Variants in ERC2 observed in about 807,000 individuals in gnomAD.
ERC2 encodes ELKS/RAB6-interacting/CAST family member 2.
A neutral mutation model predicts 114.8 loss-of-function variants in ERC2; 42 were observed. The ratio of observed to expected loss-of-function variants is 0.37; its 90% CI spans 0.29 to 0.47. ERC2 has a LOEUF of 0.47. ERC2 is among the 20% of genes least tolerant of loss of function. ERC2 has a pLI of 0.99. For missense variants in ERC2, 939 were observed against 1,150.7 expected (o/e 0.82, Z 2.66); for synonymous variants, 454 against 425.5 (o/e 1.07, Z -0.82).
intron 17 of ERC2, among the ~76,000 whole-genome samples, chr3:55,542,872 T>C (rs1205654740): frequency 1.3e-5 from 2 of 152,230 alleles, no homozygotes; most frequent in African/African-American, 4.8e-5. Context: ...AATACTTGTC[T>C]TCCTTCTGCT....
Position 55,915,426 on chromosome 3 carries a change from G to C in ERC2, c.2404-26877C>G, listed in dbSNP as rs114839168. ...ATAAAATCAAACTCACGAGAACCAA[G>C]AATCACTTATATTAATTTATAATAC... is the stretch of plus-strand genomic sequence containing the variant. On this transcript the variant is annotated intron_variant, in intron 13 of 17. Coordinates refer to ENST00000288221, the MANE Select transcript of ERC2 (RefSeq NM_015576.3). Among the ~76,000 whole-genome samples, 965 of 152,162 alleles carry C rather than the reference G, an allele frequency of 6.3e-3. 14 individuals are homozygous for C. The highest frequency in any genetic ancestry group is 0.022 in the African/African-American group (925 of 41,494).
At chr3:56,072,753 T>A (rs1441801555) in intron 7 of ERC2, among the ~76,000 whole-genome samples, 1 of 152,206 alleles carries the variant, frequency 6.6e-6, no homozygotes, top group African/African-American at 2.4e-5. Flanking sequence ...AAGGTCACTA[T>A]TTTTCAAATG....
At chr3:56,103,854 T>C (rs2078498714) in intron 6 of ERC2, among the ~76,000 whole-genome samples, 1 of 151,968 alleles carries the variant, frequency 6.6e-6, no homozygotes, top group Admixed American at 6.5e-5. Context: ...CTACAAGACC[T>C]TGGTGTCAAG....
chr3:55,867,072 G>T (rs534200009), intron 14 of ERC2, among the ~76,000 whole-genome samples: 1 of 151,660 alleles, frequency 6.6e-6, no homozygotes, highest in African/African-American at 2.4e-5. Flanking sequence ...TTGCTTTTTG[G>T]TGTTATTTAT....
chr3:55,786,474 C>T (rs888838856), intron 14 of ERC2, among the ~76,000 whole-genome samples: 1 of 152,162 alleles, frequency 6.6e-6, no homozygotes, highest in Non-Finnish European at 1.5e-5. Context: ...ACATGAGGCT[C>T]CCTTGTTACC....
chr3:56,019,088 T>TAGA, intron 7 of ERC2, 57 bp from the exon 8 acceptor site: 1 of 1,306,858 alleles, frequency 7.7e-7, no homozygotes, highest in Admixed American at 2.3e-5. Flanking sequence ...TAGGCCAAAA[T>TAGA]TCCTGAAGTG....
chr3:56,050,656 G>C (rs1176273123), intron 7 of ERC2, among the ~76,000 whole-genome samples: 2 of 152,104 alleles, frequency 1.3e-5, no homozygotes, highest in East Asian at 3.9e-4. Flanking sequence ...TCCTTGACAA[G>C]GGAAGAGTCC....
chr3:55,779,327 C>CAAAA (rs60185894), intron 14 of ERC2, among the ~76,000 whole-genome samples: 14 of 62,460 alleles, frequency 2.2e-4, no homozygotes, highest in East Asian at 5.8e-4. Flanking sequence ...ACTAAAAATA[C>CAAAA]AAAAAAAAAA....
chr3:56,270,769 G>A (rs2053606216), intron 3 of ERC2, among the ~76,000 whole-genome samples: 1 of 152,186 alleles, frequency 6.6e-6, no homozygotes, highest in Non-Finnish European at 1.5e-5. Context: ...CACGAGGTCA[G>A]GAGATTGAGA....
At chr3:56,210,999 T>C (rs9824530) in intron 3 of ERC2, among the ~76,000 whole-genome samples, 141,136 of 152,204 alleles carry the variant, frequency 0.93, 65,719 homozygotes, top group East Asian at 1. Context: ...ATGAAAACAC[T>C]ATAGATATTA....
intron 17 of ERC2, among the ~76,000 whole-genome samples, chr3:55,616,334 G>A (rs2059122199): frequency 6.6e-6 from 1 of 152,144 alleles, no homozygotes; most frequent in East Asian, 1.9e-4. Context: ...GAGTACAATG[G>A]CCAGTTGTGG....
intron 17 of ERC2, among the ~76,000 whole-genome samples, chr3:55,636,483 GGGCTT>G (rs1368376351): frequency 6.6e-6 from 1 of 152,176 alleles, no homozygotes; most frequent in African/African-American, 2.4e-5. Context: ...GACACTTTGT[GGGCTT>G]GGCACAGTGC....
At chr3:56,213,230 A>G (rs956292162) in intron 3 of ERC2, among the ~76,000 whole-genome samples, 13 of 152,204 alleles carry the variant, frequency 8.5e-5, no homozygotes, top group African/African-American at 3.1e-4. Flanking sequence ...CACCTCACCC[A>G]GGAAGTGCAA....
At chr3:56,406,458 A>AT (rs2060732244) in intron 2 of ERC2, among the ~76,000 whole-genome samples, 1 of 152,130 alleles carries the variant, frequency 6.6e-6, no homozygotes, top group Non-Finnish European at 1.5e-5. Flanking sequence ...CCTTGTTGTA[A>AT]TTGTGGTGAC....
At chr3:55,854,279 G>A (rs1021793591) in intron 14 of ERC2, among the ~76,000 whole-genome samples, 10 of 152,052 alleles carry the variant, frequency 6.6e-5, no homozygotes, top group African/African-American at 1.9e-4. Context: ...CATCCCAGGG[G>A]AAAACAAAAT....
chr3:56,369,524 T>C (rs1208081987), intron 2 of ERC2, among the ~76,000 whole-genome samples: 3 of 152,210 alleles, frequency 2.0e-5, no homozygotes, highest in African/African-American at 7.2e-5. Flanking sequence ...ATTCAACACA[T>C]TTCCTACAGT....
chr3:55,871,003 G>T (rs1014667735), intron 14 of ERC2, among the ~76,000 whole-genome samples: 9 of 152,162 alleles, frequency 5.9e-5, no homozygotes, highest in Admixed American at 5.9e-4. Context: ...AGAGCAAACA[G>T]ATTTGAAAGT....
intron 2 of ERC2, among the ~76,000 whole-genome samples, chr3:56,404,726 A>T (rs1268491648): frequency 1.4e-5 from 2 of 147,956 alleles, no homozygotes; most frequent in South Asian, 2.1e-4. Context: ...TTTTTAATTT[A>T]AAAAAAAAAA....
chr3:55,583,527 T>C (rs59128213), intron 17 of ERC2, among the ~76,000 whole-genome samples: 5,444 of 31,920 alleles, frequency 0.17, 696 homozygotes, highest in Non-Finnish European at 0.22. Context: ...CTCCCTCCCT[T>C]CCTTCCTTCC....
Sources: allele counts gnomAD v4.1 joint callset (sites outside exome capture counted in the v4.1 genomes callset), GRCh38; gene constraint gnomAD v4.1.1; transcripts MANE v1.5; gene names NCBI Gene and HGNC (gene_info 2026-07-23, HGNC 2026-07-21).